Variants in DMD observed in about 807,000 individuals in gnomAD.
DMD encodes mutant dystrophin.
DMD carries 63 observed loss-of-function variants against 330.1 expected under a neutral mutation model. The observed-to-expected ratio is 0.19, with a 90% CI of 0.16 to 0.24. The LOEUF (loss-of-function observed/expected upper bound fraction) is 0.24. Ranked by LOEUF, DMD falls within the 10% of genes least tolerant of loss-of-function variation. The pLI is 1.00. For missense variants in DMD, 3,344 were observed against 2,684.1 expected, an observed-to-expected ratio of 1.25 and a Z score of -5.43; for synonymous variants, 1,223 against 959.8, an observed-to-expected ratio of 1.27 and a Z score of -5.07.
At chrX:33,150,480 G>T (rs2048233635) in intron 1 of DMD, among the ~76,000 whole-genome samples, 1 of 109,229 alleles carries the variant, frequency 9.2e-6, no homozygotes, top group South Asian at 4.0e-4. Context: ...GTTTAGTAGA[G>T]TTGGGGTTTC....
At chrX:32,734,864 A>G (rs773850551) in intron 7 of DMD, among the ~76,000 whole-genome samples, 1,308 of 103,095 alleles carry the variant, frequency 0.013, 19 homozygotes, top group African/African-American at 0.047. Flanking sequence ...CAAGACAGGG[A>G]TGCCCTCTCT....
intron 7 of DMD, among the ~76,000 whole-genome samples, chrX:32,732,586 G>C (rs1361878961): frequency 1.8e-5 from 2 of 111,570 alleles, no homozygotes; most frequent in Non-Finnish European, 3.8e-5. Flanking sequence ...CTACAAGCCA[G>C]AAGAGAGTGG....
intron 13 of DMD, among the ~76,000 whole-genome samples, chrX:32,584,154 AT>A (rs1158536911): frequency 4.5e-5 from 5 of 111,661 alleles, no homozygotes; most frequent in Non-Finnish European, 9.4e-5. Flanking sequence ...AGAAGAGTTC[AT>A]TTAAATGGCC....
chrX:31,652,559 G>A (rs1278019155), intron 54 of DMD, among the ~76,000 whole-genome samples: 2 of 111,551 alleles, frequency 1.8e-5, no homozygotes, highest in Non-Finnish European at 3.8e-5. Flanking sequence ...CTACGCACTA[G>A]GCATTGTGCC....
intron 60 of DMD, among the ~76,000 whole-genome samples, chrX:31,430,583 T>C (rs1361559448): frequency 1.8e-5 from 2 of 110,296 alleles, no homozygotes; most frequent in African/African-American, 6.6e-5. Flanking sequence ...GAAAGAAAAT[T>C]TTTATGTGGC....
chrX:31,401,953 G>A (rs1213971443), intron 60 of DMD, among the ~76,000 whole-genome samples: 1 of 111,323 alleles, frequency 9.0e-6, no homozygotes, highest in African/African-American at 3.3e-5. Flanking sequence ...GCCAGACACT[G>A]CGCTAAATGC....
At position 31,119,339 on chromosome X, in the gene DMD, A is replaced by AGTT. The variant is rs1312218287; in HGVS notation, c.*2577_*2579dup. The AGTT allele has an allele frequency of 1.8e-5, 2 of 112,375 alleles. No homozygotes were observed. Among genetic ancestry groups the AGTT allele is most frequent in the Middle Eastern group, 4.6e-3 (1 of 218 alleles). 9.3% of individuals were successfully genotyped at this position (112,375 alleles called of 1,213,427 possible). A position where few individuals can be genotyped will look rare whatever the true frequency, so the allele number is the denominator to read the frequency against. ...TGTTGTGAAAATGCAGTAAAACTGA[A>AGTT]GTTTAAAAAAATAATTCGTAAATGT... On this transcript the variant is annotated 3_prime_UTR_variant, in exon 79 of 79. Transcript: ENST00000357033.
At chrX:32,884,796 C>G (rs2084360162) in intron 2 of DMD, among the ~76,000 whole-genome samples, 1 of 112,076 alleles carries the variant, frequency 8.9e-6, no homozygotes, top group Admixed American at 9.5e-5. Flanking sequence ...ATTCCAAGTA[C>G]AGACAAGTGT....
intron 2 of DMD, among the ~76,000 whole-genome samples, chrX:33,012,382 T>C (rs1007705598): frequency 2.7e-5 from 3 of 111,718 alleles, no homozygotes; most frequent in African/African-American, 9.7e-5. Flanking sequence ...CGTATAAAAC[T>C]GTTTTAAGTT....
At chrX:32,958,318 A>C (rs1177323916) in intron 2 of DMD, among the ~76,000 whole-genome samples, 1 of 111,868 alleles carries the variant, frequency 8.9e-6, no homozygotes, top group Non-Finnish European at 1.9e-5. Flanking sequence ...TTTCTTCAAT[A>C]AACAGTGCTT....
chrX:32,626,422 T>C (rs2146533691), intron 11 of DMD, among the ~76,000 whole-genome samples: 1 of 102,133 alleles, frequency 9.8e-6, no homozygotes, highest in East Asian at 2.8e-4. Flanking sequence ...TGAGCTGAGA[T>C]CACACCACTT....
At chrX:32,027,330 T>G (rs762476224) in intron 44 of DMD, among the ~76,000 whole-genome samples, 2 of 110,826 alleles carry the variant, frequency 1.8e-5, no homozygotes, top group South Asian at 3.9e-4. Flanking sequence ...CTCATTTTTC[T>G]CCCTTAAACA....
intron 54 of DMD, among the ~76,000 whole-genome samples, chrX:31,634,794 G>A (rs1036729278): frequency 2.7e-5 from 3 of 110,764 alleles, no homozygotes; most frequent in African/African-American, 9.8e-5. Flanking sequence ...TAGAAAATGT[G>A]TTTTCTACTT....
At chrX:32,767,096 T>C (rs1266264776) in intron 7 of DMD, among the ~76,000 whole-genome samples, 1 of 111,307 alleles carries the variant, frequency 9.0e-6, no homozygotes, top group Non-Finnish European at 1.9e-5. Flanking sequence ...ACCGCTAACA[T>C]TAAAATAAAA....
At chrX:31,378,164 G>A (rs748256778) in intron 60 of DMD, among the ~76,000 whole-genome samples, 5 of 111,434 alleles carry the variant, frequency 4.5e-5, no homozygotes, top group South Asian at 3.8e-4. Context: ...TCACACGGAC[G>A]CGCATGAAAT....
At chrX:31,435,658 C>T (rs1481988924) in intron 60 of DMD, 4 of 111,911 alleles carry the variant, frequency 3.6e-5, no homozygotes, top group African/African-American at 1.3e-4. Context: ...ATTCTTTCTA[C>T]TTTCTAGAGG....
At position 32,180,456 on chromosome X, in the gene DMD, T is replaced by A. The variant is rs530597065; in HGVS notation, c.6438+36460A>T. ...AGGAAAATTGAGAATTCTGGCAGGT[T>A]TTAGTGCTCAAAGTAAAACCTTTCC... is the stretch of plus-strand genomic sequence containing the variant. On this transcript the variant is annotated intron_variant, in intron 44 of 78. Transcript: ENST00000357033. 8.2e-4 allele frequency among the ~76,000 whole-genome samples: 91 copies of A among 111,069 alleles called. 1 individual carries two copies. In the South Asian group the frequency reaches 0.033, roughly 40 times the overall value.
chrX:31,677,208 A>G (rs2091065231), intron 53 of DMD, among the ~76,000 whole-genome samples: 1 of 111,296 alleles, frequency 9.0e-6, no homozygotes, highest in Non-Finnish European at 1.9e-5. Context: ...CCTTCTGCAG[A>G]TATTTTTGTC....
At chrX:32,585,732 A>T (rs1198421329) in intron 13 of DMD, among the ~76,000 whole-genome samples, 6 of 88,402 alleles carry the variant, frequency 6.8e-5, no homozygotes, top group Non-Finnish European at 1.3e-4. Context: ...AAAAAAAAAG[A>T]ATATTATTGT....
Sources: allele counts gnomAD v4.1 joint callset (sites outside exome capture counted in the v4.1 genomes callset), GRCh38; gene constraint gnomAD v4.1.1; transcripts MANE v1.5; gene names NCBI Gene and HGNC (gene_info 2026-07-23, HGNC 2026-07-21).